DNMBP: variants seen among roughly 807,000 people sequenced by gnomAD.
DNMBP encodes dynamin-binding protein.
A neutral mutation model predicts 150.0 loss-of-function variants in DNMBP; 87 were observed. The observed-to-expected ratio is 0.58, with a 90% CI of 0.49 to 0.69. The LOEUF is 0.69. DNMBP is among the 30% of genes least tolerant of loss of function. The pLI is 0.00. For missense variants in DNMBP, 1,774 were observed against 1,949.0 expected (o/e 0.91, Z 1.69); for synonymous variants, 711 against 750.4 (o/e 0.95, Z 0.86).
At chr10:99,914,100 C>T (rs1209011792) in intron 4 of DNMBP, 7 of 1,380,446 alleles carry the variant, frequency 5.1e-6, no homozygotes, top group Non-Finnish European at 5.7e-6. Context: ...CCCACATTTA[C>T]ATATGAATCG....
chr10:99,920,343 G>A (rs757143237), intron 4 of DNMBP, among the ~76,000 whole-genome samples: 7 of 151,992 alleles, frequency 4.6e-5, no homozygotes, highest in Non-Finnish European at 8.8e-5. Context: ...CCAAAGTGCT[G>A]GGACTACAGG....
intron 3 of DNMBP, 23 bp from the exon 4 acceptor site, chr10:99,957,228 T>A: frequency 6.3e-7 from 1 of 1,587,616 alleles, no homozygotes; most frequent in Admixed American, 1.7e-5. Flanking sequence ...GGAGCAGAGA[T>A]GGTGACCTCA....
chr10:99,892,913 A>C (rs981438994), intron 11 of DNMBP, among the ~76,000 whole-genome samples: 2 of 152,188 alleles, frequency 1.3e-5, no homozygotes, highest in African/African-American at 4.8e-5. Flanking sequence ...AAGTCAATAA[A>C]CTGAGGTAGG....
intron 11 of DNMBP, among the ~76,000 whole-genome samples, chr10:99,890,600 T>C (rs2039541177): frequency 6.6e-6 from 1 of 152,040 alleles, no homozygotes; most frequent in African/African-American, 2.4e-5. Flanking sequence ...TAGGGGAAAG[T>C]CCTATGAAGC....
At chr10:99,926,000 G>A (rs1213891312) in intron 4 of DNMBP, among the ~76,000 whole-genome samples, 1 of 152,128 alleles carries the variant, frequency 6.6e-6, no homozygotes, top group African/African-American at 2.4e-5. Context: ...TTCCAACCCT[G>A]AACCTTTAGC....
chr10:100,005,760 T>A (rs1330824251), intron 1 of DNMBP, among the ~76,000 whole-genome samples: 5 of 62,404 alleles, frequency 8.0e-5, no homozygotes, highest in African/African-American at 3.3e-4. Context: ...GTCTCAAAAG[T>A]CTCCAAAAAA....
intron 3 of DNMBP, among the ~76,000 whole-genome samples, chr10:99,962,970 C>A (rs1352749151): frequency 6.6e-6 from 1 of 152,220 alleles, no homozygotes; most frequent in African/African-American, 2.4e-5. Flanking sequence ...GTTATTTCTA[C>A]ACAGTAAAGG....
chr10:99,913,890 C>T, intron 4 of DNMBP: 1 of 1,275,004 alleles, frequency 7.8e-7, no homozygotes, highest in African/African-American at 1.5e-5. Context: ...TGCCCTTGAA[C>T]AGGGACGAAG....
At chr10:99,959,060 T>A (rs2040531691) in intron 3 of DNMBP, among the ~76,000 whole-genome samples, 2 of 152,358 alleles carry the variant, frequency 1.3e-5, no homozygotes, top group South Asian at 4.1e-4. Context: ...TTGCAACAGA[T>A]TGAATACAGA....
intron 4 of DNMBP, chr10:99,930,796 T>C (rs1226774882): frequency 3.2e-6 from 2 of 625,828 alleles, no homozygotes; most frequent in Admixed American, 2.8e-5. Flanking sequence ...GGTTTTACTA[T>C]TCTTTTCCAT....
chr10:99,999,269 C>T (rs1434581962), intron 1 of DNMBP, among the ~76,000 whole-genome samples: 1 of 152,250 alleles, frequency 6.6e-6, no homozygotes, highest in African/African-American at 2.4e-5. Context: ...TGGAGGTAAA[C>T]AGACATGAGT....
chr10:99,896,409 G>C lies in DNMBP; in HGVS notation c.2921-12C>G, dbSNP rs746688126. The C allele has an allele frequency of 6.2e-7, 1 of 1,614,076 alleles. No individual in the cohort carries two copies. Among genetic ancestry groups the C allele is most frequent in the Non-Finnish European group, 8.5e-7 (1 of 1,179,952 alleles). On this transcript the variant is annotated splice_polypyrimidine_tract_variant and intron_variant, in intron 9 of 16. Coordinates refer to ENST00000324109, the MANE Select transcript of DNMBP (RefSeq NM_015221.4). ...ACGGTACTTGAGGACTAGGGAGTAA[G>C]TCAGAAAAGCACTTTCCTCAGCATG... is the stretch of plus-strand genomic sequence containing the variant.
At chr10:100,000,273 G>C (rs1199058152) in intron 1 of DNMBP, among the ~76,000 whole-genome samples, 2 of 152,162 alleles carry the variant, frequency 1.3e-5, no homozygotes, top group African/African-American at 2.4e-5. Context: ...TGAGGCTGGG[G>C]AGGTAAGCAT....
chr10:99,996,861 TAGA>T (rs2040956055), intron 1 of DNMBP, among the ~76,000 whole-genome samples: 1 of 152,204 alleles, frequency 6.6e-6, no homozygotes. Context: ...CACAGCTGAC[TAGA>T]AGGTCAAGGC....
intron 4 of DNMBP, among the ~76,000 whole-genome samples, chr10:99,921,431 T>A (rs1376535458): frequency 6.6e-6 from 1 of 152,234 alleles, no homozygotes; most frequent in Non-Finnish European, 1.5e-5. Flanking sequence ...TGCCAAGTAC[T>A]ATGTTAGATT....
At chr10:99,948,906 TGAGCCAAGATCACGCCATTGCACTGC>T (rs1225151982) in intron 4 of DNMBP, among the ~76,000 whole-genome samples, 2 of 151,640 alleles carry the variant, frequency 1.3e-5, no homozygotes, top group Non-Finnish European at 2.9e-5. Context: ...GAAGTTGCAG[TGAGCCAAGATCACGCCATTGCACTGC>T]AGTCTGGGCA....
At chr10:99,951,146 C>G (rs796256964) in intron 4 of DNMBP, among the ~76,000 whole-genome samples, 1 of 152,244 alleles carries the variant, frequency 6.6e-6, no homozygotes, top group African/African-American at 2.4e-5. Flanking sequence ...AGGGTGCAAG[C>G]CCCAAGCCTT....
chr10:99,986,384 T>C lies in DNMBP; in HGVS notation c.-10-14250A>G, dbSNP rs546815706. Among the ~76,000 whole-genome samples the C allele has an allele frequency of 2.8e-4, 43 of 151,930 alleles. 2 individuals carry two copies. The highest frequency in any genetic ancestry group is 2.1e-3 in the South Asian group (10 of 4,818). On this transcript the variant is annotated intron_variant, in intron 1 of 16. Coordinates refer to ENST00000324109, the MANE Select transcript of DNMBP (RefSeq NM_015221.4). ...AGTTCAGAGACTAACAGTATTTCCA[T>C]GATATGTTCTGGTAAAGGACGGCTG...
At chr10:99,882,295 G>T (rs1415341334) in intron 15 of DNMBP, among the ~76,000 whole-genome samples, 2 of 152,170 alleles carry the variant, frequency 1.3e-5, no homozygotes, top group Non-Finnish European at 2.9e-5. Context: ...GTGTTCTATT[G>T]CACAGTAAGG....
Sources: allele counts gnomAD v4.1 joint callset (sites outside exome capture counted in the v4.1 genomes callset), GRCh38; gene constraint gnomAD v4.1.1; transcripts MANE v1.5; gene names NCBI Gene and HGNC (gene_info 2026-07-23, HGNC 2026-07-21).